Variants in FANCA observed in about 807,000 individuals in gnomAD.
FANCA encodes the protein FA complementation group A.
FANCA carries 236 observed loss-of-function variants against 194.3 expected under a neutral mutation model. The observed-to-expected ratio is 1.21, with a 90% CI of 1.09 to 1.35. The LOEUF (loss-of-function observed/expected upper bound fraction) is 1.35, where lower values mean the gene tolerates loss of function less well. Ranked by LOEUF, FANCA falls within the 40% of genes most tolerant of loss-of-function variation. The pLI is 0.00. For synonymous variants in FANCA, 1,014 were observed against 715.8 expected (o/e 1.42, Z -6.65); for missense variants, 2,628 against 1,813.9 (o/e 1.45, Z -8.15).
rs142022150 is a variant in FANCA, at chr16:89,795,161, C to T, written c.1006+745G>A. ...TTAGCCGGGCATGGTGGCACATGCC[C>T]GTAATCCCAGCTACTGTGGAGGCTG... On this transcript the variant is annotated intron_variant, in intron 11 of 42. Coordinates refer to ENST00000389301, the MANE Select transcript of FANCA (RefSeq NM_000135.4). Among the ~76,000 whole-genome samples the T allele has an allele frequency of 5.5e-3, 827 of 151,142 alleles. 6 individuals carry two copies. The highest frequency in any genetic ancestry group is 0.019 in the African/African-American group (795 of 41,136).
intron 11 of FANCA, among the ~76,000 whole-genome samples, chr16:89,793,814 A>G (rs1376472054): frequency 6.6e-6 from 1 of 152,052 alleles, no homozygotes; most frequent in African/African-American, 2.4e-5. Flanking sequence ...GCAGTGGTAC[A>G]ATCTCGGCTC....
At chr16:89,764,534 G>C (rs1482697532) in intron 28 of FANCA, among the ~76,000 whole-genome samples, 1 of 152,174 alleles carries the variant, frequency 6.6e-6, no homozygotes, top group African/African-American at 2.4e-5. Context: ...TTGAACTCCT[G>C]AGTTCAGGTG....
intron 20 of FANCA, among the ~76,000 whole-genome samples, chr16:89,777,288 G>T (rs2039541973): frequency 6.6e-6 from 1 of 152,136 alleles, no homozygotes; most frequent in South Asian, 2.1e-4. Context: ...AGGCGGAGAG[G>T]GAAGGACTGT....
chr16:89,745,793 T>G (rs62054605), intron 35 of FANCA, among the ~76,000 whole-genome samples: 1 of 132,470 alleles, frequency 7.5e-6, no homozygotes, highest in Admixed American at 7.2e-5. Context: ...ACCACACTCC[T>G]CTGAGCTGGG....
intron 36 of FANCA, chr16:89,744,623 G>A: frequency 2.7e-6 from 1 of 372,502 alleles, no homozygotes; most frequent in Non-Finnish European, 5.2e-6. Context: ...CGGGAGCCTG[G>A]GAGAGGCCGT....
chr16:89,785,720 C>T (rs552291508), intron 14 of FANCA, among the ~76,000 whole-genome samples: 49 of 152,284 alleles, frequency 3.2e-4, no homozygotes, highest in Admixed American at 1.6e-3. Flanking sequence ...AGACGAGCTC[C>T]TGCCACCCTA....
rs1310982024 is a variant in FANCA, at chr16:89,737,603, CTGA to C, written c.*995_*997del. ...AAAAACCATCCTGAAATGCACACAGCTGATGAAGCCACGTGACAGTGTATAAAG... is the reference window on the plus strand; with the variant it reads ...AAAAACCATCCTGAAATGCACACAGCTGAAGCCACGTGACAGTGTATAAAG... On this transcript the variant is annotated 3_prime_UTR_variant, in exon 43 of 43. Coordinates refer to ENST00000389301, the MANE Select transcript of FANCA (RefSeq NM_000135.4). 1.1e-6 allele frequency: 1 copy of C among 950,962 alleles called. No homozygotes were observed. The highest frequency in any genetic ancestry group is 1.5e-6 in the Non-Finnish European group (1 of 665,604). 58.9% of individuals were successfully genotyped at this position (950,962 alleles called of 1,614,324 possible).
Position 89,758,662 on chromosome 16 carries a change from C to A in FANCA, c.2896G>T (p.Glu966Ter), listed in dbSNP as rs1192724266. The A allele has an allele frequency of 6.2e-7, 1 of 1,614,052 alleles. No homozygotes were observed. The highest frequency in any genetic ancestry group is 8.5e-7 in the Non-Finnish European group (1 of 1,179,938). Reference protein sequence around the residue: ...QWAIHEHFLPESSASGGCDGD... With the variant: ...QWAIHEHFLP ...TCACAGCCCCCTGAAGCCGAGGACT[C>A]AGGGAGAAAGTGCTCATGGATCGCC... The change falls in exon 30 of 43, where the codon GAG becomes TAG. Residue 966 changes from glutamate to a stop codon, truncating the protein, a stop_gained. Coordinates refer to ENST00000389301, the MANE Select transcript of FANCA (RefSeq NM_000135.4). LOFTEE classifies it high-confidence loss of function.
At chr16:89,791,848 CCA>C (rs2040086109) in intron 13 of FANCA, 77 bp downstream of exon 13, 4 of 1,571,726 alleles carry the variant, frequency 2.5e-6, no homozygotes, top group South Asian at 1.1e-5. Context: ...AGAGGCTCAC[CCA>C]CAGTCAGCTG....
At chr16:89,808,951 G>A (rs1172083653) in intron 5 of FANCA, among the ~76,000 whole-genome samples, 1 of 151,628 alleles carries the variant, frequency 6.6e-6, no homozygotes, top group Non-Finnish European at 1.5e-5. Flanking sequence ...TGTCACCCAG[G>A]CTGGAGTGCA....
intron 5 of FANCA, among the ~76,000 whole-genome samples, chr16:89,808,910 A>T (rs1210962421): frequency 9.2e-5 from 13 of 140,644 alleles, no homozygotes; most frequent in African/African-American, 2.6e-4. Context: ...CTCACACTCT[A>T]TTTTTTTTTT....
chr16:89,778,325 G>T (rs904949366), intron 20 of FANCA: 2 of 343,750 alleles, frequency 5.8e-6, no homozygotes, highest in Non-Finnish European at 1.1e-5. Context: ...AATTAGCAGG[G>T]CGTGGTGGTG....
intron 28 of FANCA, among the ~76,000 whole-genome samples, chr16:89,763,453 G>A (rs905811781): frequency 1.3e-5 from 2 of 151,828 alleles, no homozygotes; most frequent in Non-Finnish European, 2.9e-5. Context: ...TGGGATTATA[G>A]GCATGAGCCA....
intron 7 of FANCA, 77 bp from the exon 8 acceptor site, chr16:89,803,418 T>G: frequency 7.5e-7 from 1 of 1,330,476 alleles, no homozygotes. Context: ...GACCATCCAC[T>G]TCAGAGGGGC....
chr16:89,782,510 C>CAAA (rs750202032), intron 17 of FANCA, among the ~76,000 whole-genome samples: 1 of 122,538 alleles, frequency 8.2e-6, no homozygotes, highest in African/African-American at 3.1e-5. Flanking sequence ...ACTGCATCTC[C>CAAA]AAAAAAAAAA....
chr16:89,806,545 A>G (rs2040655296), intron 6 of FANCA, among the ~76,000 whole-genome samples: 1 of 151,548 alleles, frequency 6.6e-6, no homozygotes, highest in Non-Finnish European at 1.5e-5. Context: ...GGGAGTGGTG[A>G]TGACTCTTAA....
intron 8 of FANCA, among the ~76,000 whole-genome samples, chr16:89,801,105 A>C (rs2040434753): frequency 6.6e-6 from 1 of 151,716 alleles, no homozygotes; most frequent in African/African-American, 2.4e-5. Context: ...CAACACTTTG[A>C]GAGGCCAAGG....
At chr16:89,792,216 T>C (rs1274056170) in intron 12 of FANCA, 148 bp from the exon 13 acceptor site, 2 of 1,021,162 alleles carry the variant, frequency 2.0e-6, no homozygotes, top group Non-Finnish European at 3.0e-6. Context: ...GCTCACACCG[T>C]GGCGTCTCTC....
rs2038406632 is a variant in FANCA at position 89,746,811 on chromosome 16, G to A, written c.3408+20C>T. 1.9e-6 allele frequency: 3 copies of A among 1,571,056 alleles called. No individual in the cohort carries two copies. The highest frequency in any genetic ancestry group is 2.3e-5 in the South Asian group (2 of 86,520). On this transcript the variant is annotated intron_variant, in intron 34 of 42. Transcript: ENST00000389301. ...CGGCGTTCTGAGAAGGCCACGAGAGGGGCTGAGGGAGCATCTCACCCTGAA... is the reference window on the plus strand; with the variant it reads ...CGGCGTTCTGAGAAGGCCACGAGAGAGGCTGAGGGAGCATCTCACCCTGAA...
Sources: allele counts gnomAD v4.1 joint callset (sites outside exome capture counted in the v4.1 genomes callset), GRCh38; gene constraint gnomAD v4.1.1; transcripts MANE v1.5; gene names NCBI Gene and HGNC (gene_info 2026-07-23, HGNC 2026-07-21).